Variants in FBXW8 observed in about 807,000 individuals in gnomAD.
The protein encoded by FBXW8 is F-box/WD repeat-containing protein 8.
A neutral mutation model predicts 65.3 loss-of-function variants in FBXW8; 57 were observed. The ratio of observed to expected loss-of-function variants is 0.87; its 90% CI spans 0.71 to 1.09. The LOEUF is 1.09. Ranked by LOEUF, FBXW8 falls within the 50% of genes least tolerant of loss-of-function variation. The pLI is 0.00. For missense variants in FBXW8, 777 were observed against 814.8 expected, an observed-to-expected ratio of 0.95 and a Z score of 0.57; for synonymous variants, 308 against 330.2, an observed-to-expected ratio of 0.93 and a Z score of 0.73.
In FBXW8 at chr12:117,027,391, C is replaced by T. The variant is rs374044450; in HGVS notation, c.1542-3C>T. On this transcript the variant is annotated splice_polypyrimidine_tract_variant and splice_region_variant and intron_variant, in intron 9 of 10. Transcript: ENST00000652555. ...TTACGAGCTCTCTCCCACTGCCTTC[C>T]AGGCACCCGGTGCAGCACATCTCAT... 5.0e-6 allele frequency: 8 copies of T among 1,613,376 alleles called. No homozygotes were observed. In the African/African-American group the frequency reaches 1.1e-4, roughly 22 times the overall value.
chr12:116,918,243 G>A (rs761774998), intron 1 of FBXW8, among the ~76,000 whole-genome samples: 1 of 152,124 alleles, frequency 6.6e-6, no homozygotes, highest in Non-Finnish European at 1.5e-5. Flanking sequence ...CAGGCTTCTT[G>A]GAGATAGTGG....
At chr12:117,007,368 G>A (rs1192613116) in intron 7 of FBXW8, among the ~76,000 whole-genome samples, 1 of 152,108 alleles carries the variant, frequency 6.6e-6, no homozygotes, top group African/African-American at 2.4e-5. Context: ...CCAAAGAGGA[G>A]GAAAAATTCT....
intron 7 of FBXW8, among the ~76,000 whole-genome samples, chr12:117,005,277 C>T (rs952934): frequency 0.015 from 2,300 of 152,266 alleles, 52 homozygotes; most frequent in African/African-American, 0.046. Context: ...TGCCTGGCAT[C>T]GTGTACCAAT....
chr12:117,021,639 A>AT (rs142225915), intron 8 of FBXW8, among the ~76,000 whole-genome samples: 4,109 of 152,230 alleles, frequency 0.027, 183 homozygotes, highest in African/African-American at 0.088. Context: ...GATTCTATTT[A>AT]TTTTTAAACT....
chr12:117,022,676 A>G (rs1308797436), intron 8 of FBXW8, among the ~76,000 whole-genome samples: 1 of 152,142 alleles, frequency 6.6e-6, no homozygotes, highest in Non-Finnish European at 1.5e-5. Flanking sequence ...AATAAACAAC[A>G]AAACCTATAA....
chr12:116,964,688 C>G lies in FBXW8; in HGVS notation c.678-9C>G. ...TCCTTTTGGAACCAAGTGTGTCGTT[C>G]TCTTCCAGATATACATCAGGGGATG... On this transcript the variant is annotated splice_polypyrimidine_tract_variant and intron_variant, in intron 4 of 10. Coordinates refer to ENST00000652555, the MANE Select transcript of FBXW8 (RefSeq NM_153348.3). The G allele has an allele frequency of 6.2e-7, 1 of 1,613,552 alleles. No individual in the cohort carries two copies. Among genetic ancestry groups the G allele is most frequent in the Non-Finnish European group, 8.5e-7 (1 of 1,179,918 alleles).
At chr12:116,926,607 A>G (rs1447103985) in intron 1 of FBXW8, among the ~76,000 whole-genome samples, 1 of 152,090 alleles carries the variant, frequency 6.6e-6, no homozygotes, top group Non-Finnish European at 1.5e-5. Context: ...TTTTTAGGCA[A>G]GCACCCCTGA....
At position 116,936,563 on chromosome 12, in the gene FBXW8, G is replaced by A. The variant is rs147321157; in HGVS notation, c.423+8436G>A. Among the ~76,000 whole-genome samples the A allele has an allele frequency of 2.6e-3, 399 of 152,244 alleles. 2 individuals are homozygous for A. The highest frequency in any genetic ancestry group is 9.2e-3 in the African/African-American group (383 of 41,544). On this transcript the variant is annotated intron_variant, in intron 2 of 10. Coordinates refer to ENST00000652555, the MANE Select transcript of FBXW8 (RefSeq NM_153348.3). The surrounding 1 kb of genome is among the most constrained non-coding windows in gnomAD (Gnocchi z 4.6). ...CTGTGTTGCTGGCCTTGAAGGTGGA[G>A]GAAGGGGCCACAAACCAAGGAATGT...
chr12:116,953,511 C>G (rs1306300317), intron 4 of FBXW8, among the ~76,000 whole-genome samples: 2 of 152,194 alleles, frequency 1.3e-5, no homozygotes, highest in African/African-American at 4.8e-5. Context: ...GTGGCTCACG[C>G]CTGTAATCCC....
chr12:116,959,778 T>A (rs1463394775), intron 4 of FBXW8, among the ~76,000 whole-genome samples: 1 of 152,168 alleles, frequency 6.6e-6, no homozygotes, highest in Non-Finnish European at 1.5e-5. Flanking sequence ...CTATTCCCAT[T>A]CTTTCAACAA....
At position 116,911,072 on chromosome 12, in the gene FBXW8, G is replaced by C; in HGVS notation, c.35G>C (p.Arg12Pro). 12 of 1,453,528 alleles carry C rather than the reference G, an allele frequency of 8.3e-6. No homozygotes were observed. The highest frequency in any genetic ancestry group is 1.1e-5 in the Non-Finnish European group (12 of 1,111,436). 90.0% of individuals were successfully genotyped at this position (1,453,528 alleles called of 1,614,324 possible). A position where few individuals can be genotyped will look rare whatever the true frequency, so the allele number is the denominator to read the frequency against. ...DDYSLDEFRR[R>P]WQEELAQAQA... ...TACAGCCTGGATGAGTTCCGTCGGC[G>C]CTGGCAGGAGGAGCTGGCGCAGGCC... Residue 12 changes from arginine (R) to proline (P), a missense_variant, in exon 1 of 11, where the codon CGC (arginine) becomes CCC (proline). Physicochemically the swap from Arg to Pro is moderately radical, Grantham distance 103. Coordinates refer to ENST00000652555, the MANE Select transcript of FBXW8 (RefSeq NM_153348.3).
At chr12:116,940,989 C>G (rs1882527519) in intron 2 of FBXW8, among the ~76,000 whole-genome samples, 1 of 152,148 alleles carries the variant, frequency 6.6e-6, no homozygotes, top group African/African-American at 2.4e-5. Flanking sequence ...GAAGAAATGA[C>G]TAAGGGGAAA....
At chr12:116,921,171 G>A (rs1285216792) in intron 1 of FBXW8, among the ~76,000 whole-genome samples, 2 of 152,130 alleles carry the variant, frequency 1.3e-5, no homozygotes, top group African/African-American at 4.8e-5. Flanking sequence ...GCCTATTCTC[G>A]TAAAAAAAGG....
At chr12:116,929,730 T>C (rs1418972807) in intron 2 of FBXW8, among the ~76,000 whole-genome samples, 1 of 152,202 alleles carries the variant, frequency 6.6e-6, no homozygotes, top group Non-Finnish European at 1.5e-5. Flanking sequence ...TTAGTGATTT[T>C]CAAGTATACA....
At chr12:116,965,665 C>T (rs1884272253) in intron 5 of FBXW8, among the ~76,000 whole-genome samples, 3 of 152,178 alleles carry the variant, frequency 2.0e-5, no homozygotes, top group Admixed American at 6.5e-5. Context: ...GTGACATTAG[C>T]AGTTGGCTCA....
At chr12:117,013,457 G>A (rs895593874) in intron 8 of FBXW8, among the ~76,000 whole-genome samples, 2 of 151,968 alleles carry the variant, frequency 1.3e-5, no homozygotes, top group Non-Finnish European at 2.9e-5. Flanking sequence ...GTCTCTTCTC[G>A]CTAAGACTAA....
chr12:116,912,810 A>G (rs188858848), intron 1 of FBXW8, among the ~76,000 whole-genome samples: 45 of 152,286 alleles, frequency 3.0e-4, no homozygotes, highest in African/African-American at 1.0e-3. Context: ...ATAATGGCCT[A>G]TTATTTTATG....
intron 5 of FBXW8, among the ~76,000 whole-genome samples, chr12:116,969,143 A>G (rs1884501019): frequency 6.6e-6 from 1 of 152,124 alleles, no homozygotes; most frequent in Non-Finnish European, 1.5e-5. Context: ...GTTTCACGTC[A>G]TGGTTGGGAA....
chr12:116,958,146 T>C (rs1187997924), intron 4 of FBXW8, among the ~76,000 whole-genome samples: 1 of 152,254 alleles, frequency 6.6e-6, no homozygotes, highest in African/African-American at 2.4e-5. Context: ...TATTTTTCAA[T>C]TGATGCGTCT....
Sources: allele counts gnomAD v4.1 joint callset (sites outside exome capture counted in the v4.1 genomes callset), GRCh38; gene constraint gnomAD v4.1.1; non-coding constraint Gnocchi (gnomAD v3.1); transcripts MANE v1.5; gene names NCBI Gene and HGNC (gene_info 2026-07-23, HGNC 2026-07-21).